LY75: variants seen among roughly 807,000 people sequenced by gnomAD.
LY75 encodes the protein C-type lectin domain family 13 member B.
LY75 carries 185 observed loss-of-function variants against 231.7 expected under a neutral mutation model. The ratio of observed to expected loss-of-function variants is 0.80; its 90% CI spans 0.71 to 0.90. LY75 has a LOEUF of 0.90. LY75 is among the 40% of genes least tolerant of loss of function. The pLI, the probability that LY75 is intolerant of heterozygous loss-of-function variation, is 0.00. For synonymous variants in LY75, 668 were observed against 689.0 expected (o/e 0.97, Z 0.48); for missense variants, 1,947 against 2,050.2 (o/e 0.95, Z 0.97).
intron 13 of LY75, among the ~76,000 whole-genome samples, chr2:159,868,405 G>A (rs1372547083): frequency 6.6e-6 from 1 of 152,166 alleles, no homozygotes; most frequent in Non-Finnish European, 1.5e-5. Context: ...GTGTAGAGAT[G>A]TAAGTAAACA....
intron 13 of LY75, among the ~76,000 whole-genome samples, chr2:159,869,741 A>G (rs1055603497): frequency 3.3e-5 from 5 of 152,224 alleles, no homozygotes; most frequent in African/African-American, 4.8e-5. Context: ...TAAAACACCA[A>G]AAAGGACAGA....
chr2:159,838,037 A>G (rs1683885477), intron 25 of LY75, among the ~76,000 whole-genome samples: 1 of 152,198 alleles, frequency 6.6e-6, no homozygotes, highest in Non-Finnish European at 1.5e-5. Context: ...CATAACCCAG[A>G]GCTGCCTCTC....
chr2:159,845,792 A>G (rs991868528), intron 23 of LY75, among the ~76,000 whole-genome samples: 2 of 151,648 alleles, frequency 1.3e-5, no homozygotes, highest in South Asian at 2.1e-4. Flanking sequence ...TGTATGTTAT[A>G]TACACACATA....
intron 23 of LY75, among the ~76,000 whole-genome samples, chr2:159,847,118 T>G (rs192864059): frequency 1.1e-3 from 166 of 152,150 alleles, no homozygotes; most frequent in African/African-American, 3.8e-3. Flanking sequence ...TTCAAGCCAT[T>G]CTCCTGCCTC....
At chr2:159,841,087 G>T in intron 24 of LY75, 132 bp from the exon 25 acceptor site, 1 of 1,390,848 alleles carries the variant, frequency 7.2e-7, no homozygotes, top group South Asian at 1.5e-5. Flanking sequence ...TTAGATTTTG[G>T]GTGAGAGAAT....
At chr2:159,831,827 A>G in intron 27 of LY75, 41 bp from the exon 28 acceptor site, 1 of 1,518,552 alleles carries the variant, frequency 6.6e-7, no homozygotes, top group Non-Finnish European at 9.0e-7. Context: ...ACAATTACTT[A>G]TCTAGTACAC....
At position 159,878,633 on chromosome 2, in the gene LY75, C is replaced by G; in HGVS notation, c.1604G>C (p.Arg535Thr). ...AGTACAAGTTTACTGATGGTCACACCTGCTAGTGATAGTCAGATTGCAGTT... is the reference window on the plus strand; with the variant it reads ...AGTACAAGTTTACTGATGGTCACACGTGCTAGTGATAGTCAGATTGCAGTT... ...GTNCNLTITS[R>T]FEQEYLNDLM... is the part of the protein sequence containing the mutation. Residue 535 changes from arginine to threonine, a missense_variant and splice_region_variant, in exon 10 of 35, where the codon AGA becomes ACA. By Grantham distance (71) the Arg-to-Thr change is moderately conservative. Transcript: ENST00000263636. 1 of 1,613,996 alleles carries G rather than the reference C, an allele frequency of 6.2e-7. No homozygotes were observed. Among genetic ancestry groups the G allele is most frequent in the South Asian group, 1.1e-5 (1 of 91,074 alleles).
intron 2 of LY75, among the ~76,000 whole-genome samples, chr2:159,897,003 G>A (rs2125885694): frequency 6.6e-6 from 1 of 152,278 alleles, no homozygotes; most frequent in East Asian, 1.9e-4. Flanking sequence ...AGCTCTCTCT[G>A]GGTGGTCCCC....
chr2:159,866,339 C>T (rs2136977), intron 13 of LY75, among the ~76,000 whole-genome samples: 61,786 of 151,898 alleles, frequency 0.41, 13,246 homozygotes, highest in South Asian at 0.67. Context: ...TTCAACATTC[C>T]CTCATATTTT....
intron 6 of LY75, 27 bp from the exon 7 acceptor site, chr2:159,882,342 C>A: frequency 6.2e-7 from 1 of 1,605,524 alleles, no homozygotes; most frequent in Non-Finnish European, 8.5e-7. Context: ...TATTTATATT[C>A]CAGTAAAGAT....
chr2:159,803,571 C>T lies in LY75; in HGVS notation c.*1473G>A, dbSNP rs796202437. ...AACTGTCTTAGAAAATTATTTACAA[C>T]TTTATCATAGTGTAAATACTCTAAA... is the stretch of plus-strand genomic sequence containing the variant. On this transcript the variant is annotated 3_prime_UTR_variant, in exon 35 of 35. Coordinates refer to ENST00000263636, the MANE Select transcript of LY75 (RefSeq NM_002349.4). 3.0e-4 allele frequency: 46 copies of T among 152,278 alleles called. No homozygotes were observed. The highest frequency in any genetic ancestry group is 1.1e-3 in the African/African-American group (44 of 41,560). The allele number at this position is 152,278 out of a possible 1,614,324, so 9.4% of individuals were successfully genotyped here.
chr2:159,860,272 T>TA (rs1040933112), intron 15 of LY75, among the ~76,000 whole-genome samples: 1 of 152,176 alleles, frequency 6.6e-6, no homozygotes, highest in Non-Finnish European at 1.5e-5. Context: ...TCAGAAACTT[T>TA]AAAAAATGCC....
rs748410848 is a variant in LY75, at chr2:159,805,160, C to T, written c.5053G>A (p.Gly1685Arg). Reference protein sequence around the residue: ...ATLSILVLMGGLIWFLFQRHR... With the variant: ...ATLSILVLMGRLIWFLFQRHR... The stretch of plus-strand genomic sequence containing the variant: ...CTTTGGAAGAGGAACCAAATCAGTC[C>T]GCCCATGAGAACTAAGATACTTAGT... The change falls in exon 35 of 35, where the codon GGA becomes AGA. Residue 1685 changes from glycine to arginine, a missense_variant. Coordinates refer to ENST00000263636, the MANE Select transcript of LY75 (RefSeq NM_002349.4). 3.3e-5 allele frequency: 53 copies of T among 1,613,930 alleles called. No homozygotes were observed. The East Asian group carries it at 5.3e-4, about 16-fold the overall frequency.
At chr2:159,863,336 C>T (rs190342715) in intron 14 of LY75, among the ~76,000 whole-genome samples, 94 of 152,200 alleles carry the variant, frequency 6.2e-4, no homozygotes, top group African/African-American at 2.0e-3. Flanking sequence ...GATTGCTGTT[C>T]ATGTGGTTAG....
chr2:159,876,648 C>T (rs1330840759), intron 11 of LY75, among the ~76,000 whole-genome samples: 1 of 151,990 alleles, frequency 6.6e-6, no homozygotes, highest in African/African-American at 2.4e-5. Flanking sequence ...TAGCTACTTC[C>T]CAAGCACCTC....
intron 28 of LY75, among the ~76,000 whole-genome samples, chr2:159,820,894 C>CAG (rs1301437195): frequency 6.6e-6 from 1 of 152,144 alleles, no homozygotes; most frequent in African/African-American, 2.4e-5. Flanking sequence ...GGCTGGAGTG[C>CAG]AGTGGCACGA....
intron 16 of LY75, among the ~76,000 whole-genome samples, chr2:159,855,723 A>G (rs1684529055): frequency 6.6e-6 from 1 of 152,204 alleles, no homozygotes; most frequent in African/African-American, 2.4e-5. Context: ...CCCTGGAGGA[A>G]GTGGCCAGCA....
At position 159,853,500 on chromosome 2, in the gene LY75, T is replaced by G. The variant is rs1357512549; in HGVS notation, c.2663+130A>C. 2.0e-6 allele frequency: 3 copies of G among 1,490,010 alleles called. No homozygotes were observed. The African/African-American group carries it at 4.3e-5, about 21-fold the overall frequency. The allele number at this position is 1,490,010 out of a possible 1,614,324, so 92.3% of individuals were successfully genotyped here. ...TCTTGATGCTAACATGCAAAAGGGC[T>G]TGGTTTCTCTAATTTAGGCAGTTTA... On this transcript the variant is annotated intron_variant, in intron 19 of 34. Transcript: ENST00000263636.
At chr2:159,807,507 C>T (rs996658086) in intron 33 of LY75, among the ~76,000 whole-genome samples, 1 of 152,280 alleles carries the variant, frequency 6.6e-6, no homozygotes, top group East Asian at 1.9e-4. Flanking sequence ...CCTTCCCCTA[C>T]TCTAATTGTA....
Sources: gnomAD v4.1 joint callset for allele counts (sites outside exome capture counted in the v4.1 genomes callset) on GRCh38, gnomAD v4.1.1 for gene constraint, MANE v1.5 for transcripts, NCBI Gene and HGNC (gene_info 2026-07-23, HGNC 2026-07-21) for gene names.